BTBD16: variants seen among roughly 807,000 people sequenced by gnomAD.
BTBD16 encodes BTB domain containing 16.
BTBD16 carries 66 observed loss-of-function variants against 67.4 expected under a neutral mutation model. The ratio of observed to expected loss-of-function variants is 0.98; its 90% confidence interval spans 0.80 to 1.20. The LOEUF (loss-of-function observed/expected upper bound fraction) is 1.20. Among genes scored for constraint, BTBD16 ranks in the 50% most tolerant of loss-of-function variants. The pLI, the probability that BTBD16 is intolerant of heterozygous loss-of-function variation, is 0.00. For synonymous variants in BTBD16, 242 were observed against 236.4 expected, an observed-to-expected ratio of 1.02 and a Z score of -0.22; for missense variants, 634 against 616.0, an observed-to-expected ratio of 1.03 and a Z score of -0.31.
chr10:122,317,504 G>A (rs1019359153), intron 10 of BTBD16, among the ~76,000 whole-genome samples: 17 of 152,032 alleles, frequency 1.1e-4, no homozygotes, highest in East Asian at 3.9e-4. Flanking sequence ...AAAATTAGCC[G>A]GGCATGGTGG....
Position 122,299,474 on chromosome 10 carries a change from C to T in BTBD16, c.791+340C>T, listed in dbSNP as rs959380153. On this transcript the variant is annotated intron_variant, in intron 9 of 15. Transcript: ENST00000260723. ...GCACATTCATTTTAGAAAATGAAAT[C>T]TCTCACCCTAAATCAGCTTACATCT... is the stretch of plus-strand genomic sequence containing the variant. Among the ~76,000 whole-genome samples the T allele has an allele frequency of 2.6e-5, 4 of 152,010 alleles. No homozygotes were observed. In the East Asian group the frequency reaches 5.8e-4, roughly 22 times the overall value.
intron 10 of BTBD16, among the ~76,000 whole-genome samples, chr10:122,328,144 G>A (rs111973255): frequency 1.3e-4 from 20 of 152,342 alleles, no homozygotes; most frequent in African/African-American, 4.6e-4. Context: ...GAAGAAGGAG[G>A]AGGCTCAGAT....
chr10:122,273,194 T>A (rs140563271), intron 1 of BTBD16, among the ~76,000 whole-genome samples: 6 of 130,460 alleles, frequency 4.6e-5, no homozygotes, highest in Non-Finnish European at 9.7e-5. Flanking sequence ...GAAGACTATT[T>A]CATAGAAATA....
At chr10:122,284,417 C>A (rs1226259520) in intron 4 of BTBD16, among the ~76,000 whole-genome samples, 1 of 151,562 alleles carries the variant, frequency 6.6e-6, no homozygotes, top group African/African-American at 2.4e-5. Context: ...CCACTGCACT[C>A]CAGCCTGGGT....
At chr10:122,287,562 G>C (rs2096366227) in intron 5 of BTBD16, 1 of 808,750 alleles carries the variant, frequency 1.2e-6, no homozygotes. Flanking sequence ...AAGTTCCATG[G>C]ACCGATCAAG....
chr10:122,297,854 C>CG lies in BTBD16; in HGVS notation c.660+21dup, dbSNP rs781720042. ...GGCTGCAAGGTGAGAACAACCCAGACGGGGCACATCGCCCCTTGGGGGGGC... is the reference window on the plus strand; with the variant it reads ...GGCTGCAAGGTGAGAACAACCCAGACGGGGGCACATCGCCCCTTGGGGGGGC... On this transcript the variant is annotated intron_variant, in intron 8 of 15. Transcript: ENST00000260723. 3.1e-6 allele frequency: 5 copies of CG among 1,613,162 alleles called. No homozygotes were observed. Among genetic ancestry groups the CG allele is most frequent in the African/African-American group, 1.3e-5 (1 of 74,906 alleles).
At chr10:122,328,186 T>A (rs546094970) in intron 10 of BTBD16, among the ~76,000 whole-genome samples, 8 of 152,304 alleles carry the variant, frequency 5.3e-5, no homozygotes, top group Admixed American at 3.3e-4. Flanking sequence ...CGAGTGTTAT[T>A]TGTCCCACGA....
intron 10 of BTBD16, among the ~76,000 whole-genome samples, chr10:122,328,476 G>A (rs1342181511): frequency 1.3e-5 from 2 of 152,178 alleles, no homozygotes; most frequent in African/African-American, 4.8e-5. Flanking sequence ...GCAGTTGGGC[G>A]GTCCCAGGAA....
intron 3 of BTBD16, among the ~76,000 whole-genome samples, chr10:122,283,322 C>G (rs1485901634): frequency 6.6e-6 from 1 of 152,200 alleles, no homozygotes; most frequent in East Asian, 1.9e-4. Flanking sequence ...CAACACTCAG[C>G]ATGCTGGCTT....
chr10:122,273,607 G>C (rs1486213731), intron 1 of BTBD16, among the ~76,000 whole-genome samples: 1 of 152,104 alleles, frequency 6.6e-6, no homozygotes, highest in Non-Finnish European at 1.5e-5. Flanking sequence ...AATTAGCCAG[G>C]TGTGGTAGCG....
chr10:122,290,894 A>C (rs1215415729), intron 6 of BTBD16, among the ~76,000 whole-genome samples, 186 bp from the exon 7 acceptor site: 1 of 152,060 alleles, frequency 6.6e-6, no homozygotes, highest in Non-Finnish European at 1.5e-5. Flanking sequence ...TTCAGCCTCA[A>C]CTCCTTTGGG....
At chr10:122,294,175 C>T in intron 7 of BTBD16, 1 of 985,428 alleles carries the variant, frequency 1.0e-6, no homozygotes, top group African/African-American at 1.7e-5. Context: ...TGGGTCTTGC[C>T]TGCCTTTGAG....
At chr10:122,301,611 C>T (rs2096394204) in intron 9 of BTBD16, among the ~76,000 whole-genome samples, 1 of 152,144 alleles carries the variant, frequency 6.6e-6, no homozygotes, top group Non-Finnish European at 1.5e-5. Context: ...GGAAACGGTT[C>T]AGGAAGAGGG....
Position 122,275,028 on chromosome 10 carries a change from T to C in BTBD16, c.-42-12T>C. Reference sequence around the variant, plus strand: ...TATGGAAAATGTCACCTTTACCTCTTTTGTCTTCTAGGTTGCTTGTCTTTT... The same window carrying C: ...TATGGAAAATGTCACCTTTACCTCTCTTGTCTTCTAGGTTGCTTGTCTTTT... On this transcript the variant is annotated splice_polypyrimidine_tract_variant and intron_variant, in intron 1 of 15. Transcript: ENST00000260723. 1 of 1,601,592 alleles carries C rather than the reference T, an allele frequency of 6.2e-7. No individual in the cohort carries two copies. The highest frequency in any genetic ancestry group is 8.6e-7 in the Non-Finnish European group (1 of 1,169,136).
intron 1 of BTBD16, among the ~76,000 whole-genome samples, chr10:122,273,544 A>T (rs980589859): frequency 5.9e-5 from 9 of 152,132 alleles, no homozygotes; most frequent in Non-Finnish European, 1.3e-4. Flanking sequence ...GTTCAAGACC[A>T]GTCTGGGCAA....
intron 10 of BTBD16, among the ~76,000 whole-genome samples, chr10:122,315,232 GT>G (rs1176108664): frequency 6.6e-6 from 1 of 152,110 alleles, no homozygotes; most frequent in Non-Finnish European, 1.5e-5. Flanking sequence ...AAGTGAGTAC[GT>G]TTTAAACATA....
At chr10:122,320,919 A>C (rs1343310588) in intron 10 of BTBD16, among the ~76,000 whole-genome samples, 1 of 152,148 alleles carries the variant, frequency 6.6e-6, no homozygotes, top group Non-Finnish European at 1.5e-5. Context: ...GATATATTAC[A>C]TGATGCTCAG....
chr10:122,304,938 G>C (rs1195368971), intron 9 of BTBD16, among the ~76,000 whole-genome samples: 1 of 152,154 alleles, frequency 6.6e-6, no homozygotes, highest in Admixed American at 6.5e-5. Flanking sequence ...GCTAGGACCT[G>C]ACCCTGCCAC....
At chr10:122,303,232 C>G (rs1449242773) in intron 9 of BTBD16, among the ~76,000 whole-genome samples, 1 of 152,168 alleles carries the variant, frequency 6.6e-6, no homozygotes, top group Non-Finnish European at 1.5e-5. Flanking sequence ...GCCTCCTTCC[C>G]CTCCTAAAGA....
Sources: allele counts gnomAD v4.1 joint callset (sites outside exome capture counted in the v4.1 genomes callset), GRCh38; gene constraint gnomAD v4.1.1; transcripts MANE v1.5; gene names NCBI Gene and HGNC (gene_info 2026-07-23, HGNC 2026-07-21).